TLK1: variants seen among roughly 807,000 people sequenced by gnomAD.
The protein encoded by TLK1 is tousled like kinase 1, also known as serine/threonine-protein kinase tousled-like 1.
Under a neutral mutation model 105.3 loss-of-function variants are expected in TLK1, and 24 were observed. That is an observed-to-expected ratio of 0.23 (90% confidence interval 0.17 to 0.32). TLK1 has a LOEUF of 0.32. TLK1 is among the 10% of genes least tolerant of loss of function. The pLI is 1.00. For synonymous variants in TLK1, 321 were observed against 310.4 expected (o/e 1.03, Z -0.36); for missense variants, 558 against 910.5 (o/e 0.61, Z 4.98).
intron 1 of TLK1, among the ~76,000 whole-genome samples, chr2:171,119,457 C>T (rs1558952440): frequency 6.6e-6 from 1 of 152,200 alleles, no homozygotes; most frequent in South Asian, 2.1e-4. Flanking sequence ...TCAAATCACA[C>T]ACCTATTATA....
At chr2:171,230,886 A>T (rs1575667279) in intron 1 of TLK1, among the ~76,000 whole-genome samples, 1 of 152,326 alleles carries the variant, frequency 6.6e-6, no homozygotes, top group South Asian at 2.1e-4. Context: ...AACTGACTTC[A>T]GTTTCCACTA....
chr2:171,133,900 A>G (rs1691203776), intron 1 of TLK1, among the ~76,000 whole-genome samples: 2 of 152,048 alleles, frequency 1.3e-5, no homozygotes, highest in Admixed American at 1.3e-4. Flanking sequence ...CAGTGGCATG[A>G]TCGCAGCTAA....
Position 171,160,311 on chromosome 2 carries a change from G to A in TLK1, c.118C>T (p.Pro40Ser). 6.3e-7 allele frequency: 1 copy of A among 1,590,056 alleles called. No homozygotes were observed. Among genetic ancestry groups the A allele is most frequent in the Non-Finnish European group, 8.5e-7 (1 of 1,170,746 alleles). ...AARSLLNHTP[P>S]SGRPREGAMD... Reference sequence around the variant, plus strand: ...TTACCTTCCCTGGGCCTCCCGGATGGCGGCGTGTGATTCAGCAGGGACCTG... The same window carrying A: ...TTACCTTCCCTGGGCCTCCCGGATGACGGCGTGTGATTCAGCAGGGACCTG... The change falls in exon 1 of 21, where the codon CCA (proline) becomes TCA (serine). Residue 40 changes from proline (P) to serine (S), a missense_variant. This residue lies in a region of TLK1 where 104 missense variants were observed against 116.0 expected (regional missense o/e 0.90). Coordinates refer to ENST00000431350, the MANE Select transcript of TLK1 (RefSeq NM_012290.5). The surrounding 1 kb of genome is among the most constrained non-coding windows in gnomAD (Gnocchi z 4.4).
At position 171,040,078 on chromosome 2, in the gene TLK1, T is replaced by A. The variant is rs566620900; in HGVS notation, c.1169+6096A>T. On this transcript the variant is annotated intron_variant, in intron 11 of 20. Transcript: ENST00000431350. ...TGTGTATAGAAGCATGCTCATACTG[T>A]AATAGAGAAAAAGAATAAAATAAAC... Among the ~76,000 whole-genome samples, 38 of 151,990 alleles carry A rather than the reference T, an allele frequency of 2.5e-4. No individual in the cohort carries two copies. The East Asian group carries it at 6.2e-3, about 25-fold the overall frequency.
At chr2:171,056,694 G>T (rs1444376116) in intron 5 of TLK1, 128 bp from the exon 6 acceptor site, 7 of 508,658 alleles carry the variant, frequency 1.4e-5, no homozygotes, top group Non-Finnish European at 1.8e-5. Context: ...AATGGGTCCA[G>T]AACAAAAAAA....
chr2:171,187,738 T>G (rs1165567344), intron 1 of TLK1, among the ~76,000 whole-genome samples: 1 of 152,214 alleles, frequency 6.6e-6, no homozygotes, highest in African/African-American at 2.4e-5. Context: ...TCTGCTAGAA[T>G]GTCAGCTTCA....
At chr2:171,150,286 C>A (rs1214562695) in intron 1 of TLK1, among the ~76,000 whole-genome samples, 1 of 152,078 alleles carries the variant, frequency 6.6e-6, no homozygotes, top group East Asian at 1.9e-4. Flanking sequence ...GACTGAAAAT[C>A]TAGTATTTAA....
chr2:171,206,094 C>T (rs896371564), intron 1 of TLK1, among the ~76,000 whole-genome samples: 4 of 152,108 alleles, frequency 2.6e-5, no homozygotes, highest in Non-Finnish European at 4.4e-5. Flanking sequence ...TCAAGAAATA[C>T]AACTGAAGAT....
rs887716218 is a variant in TLK1 at position 171,160,235 on chromosome 2, G to A, written c.139+55C>T. The A allele has an allele frequency of 3.3e-5, 44 of 1,327,824 alleles. No homozygotes were observed. The highest frequency in any genetic ancestry group is 4.1e-5 in the Admixed American group (1 of 24,220). The allele number at this position is 1,327,824 out of a possible 1,614,324, so 82.3% of individuals were successfully genotyped here. A position where few individuals can be genotyped will look rare whatever the true frequency, so the allele number is the denominator to read the frequency against. On this transcript the variant is annotated intron_variant, in intron 1 of 20. Coordinates refer to ENST00000431350, the MANE Select transcript of TLK1 (RefSeq NM_012290.5). The surrounding 1 kb of genome is among the most constrained non-coding windows in gnomAD (Gnocchi z 4.4). ...GGGGGGGCGGGGGGGGGGCGCGGGG[G>A]TCCGCGGCGCGGGAGAGGAGGCCCG...
At chr2:171,000,386 A>G (rs957689661) in intron 18 of TLK1, among the ~76,000 whole-genome samples, 10 of 151,440 alleles carry the variant, frequency 6.6e-5, no homozygotes, top group Non-Finnish European at 1.5e-4. Context: ...CAAAAAAAAA[A>G]AAAAAAAAAA....
At chr2:171,047,057 A>G (rs1469423407) in intron 10 of TLK1, among the ~76,000 whole-genome samples, 2 of 152,204 alleles carry the variant, frequency 1.3e-5, no homozygotes, top group Non-Finnish European at 2.9e-5. Context: ...AGACAAGAAA[A>G]TAGCAAGAAA....
At chr2:171,016,160 A>C (rs1195226902) in intron 12 of TLK1, among the ~76,000 whole-genome samples, 1 of 152,094 alleles carries the variant, frequency 6.6e-6, no homozygotes, top group Non-Finnish European at 1.5e-5. Context: ...TTTCTAGCCC[A>C]ATTTCTTTTT....
At chr2:171,007,312 T>C (rs1458277203) in intron 14 of TLK1, among the ~76,000 whole-genome samples, 1 of 152,006 alleles carries the variant, frequency 6.6e-6, no homozygotes, top group African/African-American at 2.4e-5. Context: ...TAAATGCCAA[T>C]ATACTGAATA....
chr2:171,125,414 G>A (rs955211144), intron 1 of TLK1, among the ~76,000 whole-genome samples: 15 of 152,120 alleles, frequency 9.9e-5, no homozygotes, highest in African/African-American at 3.6e-4. Flanking sequence ...TGCCTTAAAA[G>A]CACGTCTATA....
chr2:171,063,745 G>A (rs756828300), intron 3 of TLK1, among the ~76,000 whole-genome samples: 1 of 152,144 alleles, frequency 6.6e-6, no homozygotes, highest in African/African-American at 2.4e-5. Context: ...GGGTAAAAAG[G>A]GGTGAGTTCA....
chr2:171,105,951 A>G (rs562670644), intron 2 of TLK1, among the ~76,000 whole-genome samples: 2 of 152,360 alleles, frequency 1.3e-5, no homozygotes, highest in Non-Finnish European at 2.9e-5. Context: ...GTATGGAATC[A>G]ATGTAAGTGT....
chr2:171,011,312 C>T, intron 14 of TLK1, 61 bp downstream of exon 14: 1 of 1,406,584 alleles, frequency 7.1e-7, no homozygotes, highest in Non-Finnish European at 9.7e-7. Context: ...TACTTCTTAA[C>T]CACATACTCC....
intron 1 of TLK1, among the ~76,000 whole-genome samples, chr2:171,227,588 T>TTTTTG (rs1693924352): frequency 7.1e-6 from 1 of 139,948 alleles, no homozygotes; most frequent in Non-Finnish European, 1.5e-5. Context: ...TTTTTTTTTT[T>TTTTTG]TTTTTTTTTT....
At chr2:171,011,550 T>C in intron 13 of TLK1, 96 bp from the exon 14 acceptor site, 1 of 992,814 alleles carries the variant, frequency 1.0e-6, no homozygotes, top group Middle Eastern at 2.9e-4. Context: ...TCCTAGCTAT[T>C]TATTTCTCAG....
Sources: gnomAD v4.1 joint callset for allele counts (sites outside exome capture counted in the v4.1 genomes callset) on GRCh38, gnomAD v4.1.1 for gene constraint, gnomAD v4.1.1 regional missense constraint, Gnocchi (gnomAD v3.1) non-coding constraint, MANE v1.5 for transcripts, NCBI Gene and HGNC (gene_info 2026-07-23, HGNC 2026-07-21) for gene names.